The following BMPER variants were observed in gnomAD, a reference collection of about 807,000 sequenced individuals.
The protein encoded by BMPER is BMP-binding endothelial regulator protein.
A neutral mutation model predicts 87.3 loss-of-function variants in BMPER; 45 were observed. The observed-to-expected ratio is 0.52, with a 90% CI of 0.41 to 0.66. The LOEUF is 0.66. BMPER is among the 30% of genes least tolerant of loss of function. The probability of loss-of-function intolerance (pLI) is 0.00; values close to 1 mark genes in which losing one functional copy is unlikely to be tolerated. For missense variants in BMPER, 784 were observed against 867.5 expected, an observed-to-expected ratio of 0.90 and a Z score of 1.21; for synonymous variants, 326 against 316.2, an observed-to-expected ratio of 1.03 and a Z score of -0.33.
intron 13 of BMPER, among the ~76,000 whole-genome samples, chr7:34,113,092 C>T (rs1279614690): frequency 6.6e-6 from 1 of 151,750 alleles, no homozygotes; most frequent in Non-Finnish European, 1.5e-5. Flanking sequence ...TCATTGCATG[C>T]ACCCTGCCAA....
chr7:34,129,620 GAGA>G (rs1562762086), intron 13 of BMPER, among the ~76,000 whole-genome samples: 6 of 123,558 alleles, frequency 4.9e-5, no homozygotes, highest in Non-Finnish European at 8.5e-5. Flanking sequence ...AAGAGAGAGA[GAGA>G]GAAAGAGAGA....
At chr7:34,111,009 T>G (rs1789947436) in intron 13 of BMPER, among the ~76,000 whole-genome samples, 1 of 152,240 alleles carries the variant, frequency 6.6e-6, no homozygotes, top group Non-Finnish European at 1.5e-5. Context: ...AGTTTTCTTT[T>G]AAGTTCAATG....
At chr7:34,137,062 A>C (rs145015076) in intron 13 of BMPER, among the ~76,000 whole-genome samples, 1 of 152,248 alleles carries the variant, frequency 6.6e-6, no homozygotes, top group African/African-American at 2.4e-5. Flanking sequence ...TGATTTTAGC[A>C]GTATTGGAGG....
intron 2 of BMPER, among the ~76,000 whole-genome samples, chr7:33,923,355 G>A (rs1220032617): frequency 1.3e-5 from 2 of 152,176 alleles, no homozygotes; most frequent in Non-Finnish European, 2.9e-5. Flanking sequence ...CCCAGCCTTT[G>A]GTCACTAAGC....
chr7:33,950,990 C>T (rs984347021), intron 3 of BMPER, among the ~76,000 whole-genome samples: 10 of 152,004 alleles, frequency 6.6e-5, no homozygotes, highest in African/African-American at 2.4e-4. Context: ...CCAAGCCCTG[C>T]AAGATCTGGG....
Position 34,085,835 on chromosome 7 carries a change from T to C in BMPER, c.1488T>C (p.Leu496=), listed in dbSNP as rs1283206461. The change falls in exon 13 of 15, where the codon CTT becomes CTC. Residue 496 remains leucine (L), a synonymous_variant. Transcript: ENST00000649409. ...ATCTCAAGGGCAAGCTCTGTGGTCT[T>C]TGTGGCAACTACAATGGACATAAAC... ...APHLKGKLCG[L]CGNYNGHKRD... is the part of the protein sequence containing the mutation. 1.2e-6 allele frequency: 2 copies of C among 1,614,202 alleles called. No homozygotes were observed. Among genetic ancestry groups the C allele is most frequent in the South Asian group, 2.2e-5 (2 of 91,080 alleles).
intron 3 of BMPER, among the ~76,000 whole-genome samples, chr7:33,950,204 C>G (rs938366762): frequency 6.6e-6 from 1 of 152,042 alleles, no homozygotes; most frequent in Non-Finnish European, 1.5e-5. Flanking sequence ...GGCCAAGTTG[C>G]GAATGTTCCT....
intron 9 of BMPER, among the ~76,000 whole-genome samples, chr7:34,057,230 A>G (rs1788309554): frequency 6.6e-6 from 1 of 152,142 alleles, no homozygotes; most frequent in African/African-American, 2.4e-5. Context: ...TTTTCAGCCC[A>G]ACTCTGTTGT....
chr7:34,024,082 C>A (rs1158069713), intron 6 of BMPER, among the ~76,000 whole-genome samples: 1 of 151,630 alleles, frequency 6.6e-6, no homozygotes, highest in South Asian at 2.1e-4. Context: ...ATTTTACTTT[C>A]TTTATTTTTA....
chr7:33,974,861 C>A, intron 6 of BMPER, 77 bp downstream of exon 6: 1 of 1,364,422 alleles, frequency 7.3e-7, no homozygotes, highest in South Asian at 1.2e-5. Flanking sequence ...CACCCCCGGT[C>A]TCTACAGCCT....
Position 34,084,001 on chromosome 7 carries a change from TAAA to T in BMPER, c.1409-1737_1409-1735del, listed in dbSNP as rs57825100. 9.8e-3 allele frequency among the ~76,000 whole-genome samples: 1,197 copies of T among 122,726 alleles called. 5 individuals are homozygous for T. The highest frequency in any genetic ancestry group is 0.026 in the Middle Eastern group (6 of 232). The allele number at this position is 122,726 out of a possible 152,430, so 80.5% of individuals were successfully genotyped here. ...TGTCAGGATCACAAGAGGAAAGATTTAAAAAAAAAAAAAAAAAAAAGGCCGCAT... is the reference window on the plus strand; with the variant it reads ...TGTCAGGATCACAAGAGGAAAGATTTAAAAAAAAAAAAAAAAAGGCCGCAT... On this transcript the variant is annotated intron_variant, in intron 12 of 14. Coordinates refer to ENST00000649409, the MANE Select transcript of BMPER (RefSeq NM_001365308.1).
upstream of BMPER, chr7:33,905,200 C>T (rs1190930283): frequency 1.3e-5 from 4 of 299,712 alleles, no homozygotes; most frequent in Non-Finnish European, 2.6e-5. Flanking sequence ...GCCCCCGAAA[C>T]AGTAGCGGCA....
At chr7:33,934,181 T>C (rs1363624960) in intron 2 of BMPER, among the ~76,000 whole-genome samples, 2 of 152,186 alleles carry the variant, frequency 1.3e-5, no homozygotes, top group Non-Finnish European at 2.9e-5. Flanking sequence ...CAAGAACAAG[T>C]GTTTTTGTCT....
intron 11 of BMPER, among the ~76,000 whole-genome samples, chr7:34,073,170 G>A (rs1043368143): frequency 5.3e-5 from 8 of 151,874 alleles, no homozygotes; most frequent in African/African-American, 1.7e-4. Context: ...CATAATATGT[G>A]TTACAGCAGT....
At chr7:33,939,794 C>T (rs546795051) in intron 3 of BMPER, among the ~76,000 whole-genome samples, 43 of 152,150 alleles carry the variant, frequency 2.8e-4, no homozygotes, top group Non-Finnish European at 4.6e-4. Context: ...TGAGCTGTGA[C>T]GCAATTAAAT....
intron 6 of BMPER, among the ~76,000 whole-genome samples, chr7:34,032,075 A>T (rs1024714831): frequency 1.9e-4 from 29 of 150,766 alleles, no homozygotes; most frequent in Non-Finnish European, 1.5e-4. Flanking sequence ...TACTGAATTA[A>T]AAGCTTTACC....
intron 13 of BMPER, among the ~76,000 whole-genome samples, chr7:34,089,744 A>C (rs1789327550): frequency 6.6e-6 from 1 of 152,264 alleles, no homozygotes; most frequent in African/African-American, 2.4e-5. Context: ...TCAGCCTCCC[A>C]AAGTGCTGGG....
intron 2 of BMPER, 97 bp from the exon 3 acceptor site, chr7:33,937,192 G>A: frequency 1.5e-6 from 2 of 1,310,750 alleles, no homozygotes; most frequent in South Asian, 2.4e-5. Flanking sequence ...GTGAAGGCCA[G>A]ATAAGAGTGG....
intron 10 of BMPER, among the ~76,000 whole-genome samples, chr7:34,059,988 A>G (rs1788393290): frequency 6.6e-6 from 1 of 152,130 alleles, no homozygotes. Flanking sequence ...GGACACTGTC[A>G]TCTCTCCATC....
Sources: allele counts gnomAD v4.1 joint callset (sites outside exome capture counted in the v4.1 genomes callset), GRCh38; gene constraint gnomAD v4.1.1; transcripts MANE v1.5; gene names NCBI Gene and HGNC (gene_info 2026-07-23, HGNC 2026-07-21).